The following MPDZ variants were observed in gnomAD, a reference collection of about 807,000 sequenced individuals.
The protein encoded by MPDZ is multiple PDZ domain protein.
In MPDZ, 234 loss-of-function variants were observed where a neutral mutation model predicts 239.1. The observed-to-expected ratio is 0.98, with a 90% CI of 0.88 to 1.09. The LOEUF (loss-of-function observed/expected upper bound fraction) is 1.09, where lower values mean the gene tolerates loss of function less well. Ranked by LOEUF, MPDZ falls within the 50% of genes least tolerant of loss-of-function variation. The pLI is 0.00. For missense variants in MPDZ, 3,175 were observed against 2,510.0 expected (o/e 1.26, Z -5.66); for synonymous variants, 1,048 against 881.3 (o/e 1.19, Z -3.35).
Position 13,115,348 on chromosome 9 carries a change from T to TGG in MPDZ, c.5380-16_5380-15dup. ...GCCTAGGGAACACTGGGGGTGGGCA[T>TGG]GGGGGGTGTTTTATGGAAATGTTTA... On this transcript the variant is annotated splice_polypyrimidine_tract_variant and intron_variant, in intron 39 of 46. Transcript: ENST00000319217. 1.3e-6 allele frequency: 2 copies of TGG among 1,595,844 alleles called. No individual in the cohort carries two copies. The highest frequency in any genetic ancestry group is 1.7e-6 in the Non-Finnish European group (2 of 1,164,696).
intron 34 of MPDZ, among the ~76,000 whole-genome samples, chr9:13,126,173 G>C (rs183070945): frequency 6.6e-6 from 1 of 152,248 alleles, no homozygotes; most frequent in Admixed American, 6.5e-5. Flanking sequence ...TTATAAAGTA[G>C]TATACACAAT....
chr9:13,183,198 A>G (rs992351796), intron 19 of MPDZ, among the ~76,000 whole-genome samples: 2 of 152,092 alleles, frequency 1.3e-5, no homozygotes, highest in Non-Finnish European at 2.9e-5. Flanking sequence ...CTCTGTATCT[A>G]TCATTCTCAG....
intron 1 of MPDZ, among the ~76,000 whole-genome samples, chr9:13,275,429 G>C (rs1374320493): frequency 6.6e-6 from 1 of 152,140 alleles, no homozygotes; most frequent in Non-Finnish European, 1.5e-5. Context: ...CCAACACTTT[G>C]ATTTTAGACT....
At position 13,192,116 on chromosome 9, in the gene MPDZ, A is replaced by T; in HGVS notation, c.1968+15T>A. ...TTATATATGTAGGTTAGCCTCATGT[A>T]TGCAAATCTGATACCTTTTCTGTTA... is the stretch of plus-strand genomic sequence containing the variant. On this transcript the variant is annotated intron_variant, in intron 15 of 46. Coordinates refer to ENST00000319217, the MANE Select transcript of MPDZ (RefSeq NM_001378778.1). The T allele has an allele frequency of 6.3e-7, 1 of 1,580,626 alleles. No homozygotes were observed. The highest frequency in any genetic ancestry group is 8.6e-7 in the Non-Finnish European group (1 of 1,162,280).
intron 8 of MPDZ, among the ~76,000 whole-genome samples, chr9:13,218,360 G>T (rs928632951): frequency 6.6e-6 from 1 of 151,810 alleles, no homozygotes; most frequent in African/African-American, 2.4e-5. Context: ...CTATCGAATG[G>T]TTTTAAAAGG....
chr9:13,187,207 G>C (rs553253669), intron 17 of MPDZ, among the ~76,000 whole-genome samples: 6 of 152,106 alleles, frequency 3.9e-5, no homozygotes, highest in Admixed American at 2.0e-4. Flanking sequence ...CTCACTTTGG[G>C]AAGTAGAGGT....
rs1055199938 is a variant in MPDZ, at chr9:13,112,060, G to C, written c.5688C>G (p.His1896Gln). 1 of 1,613,524 alleles carries C rather than the reference G, an allele frequency of 6.2e-7. No individual in the cohort carries two copies. Among genetic ancestry groups the C allele is most frequent in the Non-Finnish European group, 8.5e-7 (1 of 1,179,684 alleles). Reference protein sequence around the residue: ...GDVPIFIAMMHPTGVAAQTQK... With the variant: ...GDVPIFIAMMQPTGVAAQTQK... Reference sequence around the variant, plus strand: ...GGGTCTGTGCTGCAACTCCAGTTGGGTGCATCATTGCAATAAATATAGGCA... The same window carrying C: ...GGGTCTGTGCTGCAACTCCAGTTGGCTGCATCATTGCAATAAATATAGGCA... The change falls in exon 43 of 47, where the codon CAC (histidine) becomes CAG (glutamine). Residue 1896 changes from histidine (H) to glutamine (Q), a missense_variant. Transcript: ENST00000319217.
intron 25 of MPDZ, 61 bp downstream of exon 25, chr9:13,150,450 A>C (rs1949010929): frequency 3.8e-6 from 5 of 1,312,722 alleles, no homozygotes; most frequent in Non-Finnish European, 4.0e-6. Flanking sequence ...AGTAAAATTA[A>C]AAAATAAATA....
chr9:13,158,118 A>C lies in MPDZ; in HGVS notation c.3360-8T>G. On this transcript the variant is annotated splice_polypyrimidine_tract_variant and splice_region_variant and intron_variant, in intron 23 of 46. Coordinates refer to ENST00000319217, the MANE Select transcript of MPDZ (RefSeq NM_001378778.1). ...GGTAATTCTGGAATGTCTCTGGTTAAAGAATTACACAATGAGTACCCCAAA... is the reference window on the plus strand; with the variant it reads ...GGTAATTCTGGAATGTCTCTGGTTACAGAATTACACAATGAGTACCCCAAA... The C allele has an allele frequency of 6.2e-7, 1 of 1,609,876 alleles. No individual in the cohort carries two copies.
At chr9:13,247,040 C>T (rs933373868) in intron 3 of MPDZ, among the ~76,000 whole-genome samples, 1 of 152,194 alleles carries the variant, frequency 6.6e-6, no homozygotes, top group East Asian at 1.9e-4. Flanking sequence ...ATAATTTTTA[C>T]AGAACAAAAA....
rs1302358894 is a variant in MPDZ at position 13,183,580 on chromosome 9, G to A, written c.2487C>T (p.Gly829=). 1 of 1,611,670 alleles carries A rather than the reference G, an allele frequency of 6.2e-7. No individual in the cohort carries two copies. The highest frequency in any genetic ancestry group is 1.7e-4 in the Middle Eastern group (1 of 6,044). ...CATCTACTAAGTCAGCATCATTTGT[G>A]CCCACCTAGAAACAAAACAATAATA... is the stretch of plus-strand genomic sequence containing the variant. ...PLFRADLALV[G]TNDADLVDES... Residue 829 remains glycine, a synonymous_variant, in exon 19 of 47, where the codon GGC becomes GGT. Transcript: ENST00000319217.
At chr9:13,190,328 A>T in intron 15 of MPDZ, 29 bp from the exon 16 acceptor site, 1 of 1,480,442 alleles carries the variant, frequency 6.8e-7, no homozygotes, top group Non-Finnish European at 9.0e-7. Flanking sequence ...CTCTTATTTC[A>T]GAGGCATTGC....
At chr9:13,242,868 T>G (rs1965754272) in intron 3 of MPDZ, among the ~76,000 whole-genome samples, 1 of 152,230 alleles carries the variant, frequency 6.6e-6, no homozygotes, top group South Asian at 2.1e-4. Flanking sequence ...ACAGCATCAC[T>G]GAACTCTACC....
intron 1 of MPDZ, among the ~76,000 whole-genome samples, chr9:13,261,310 A>G (rs1039827924): frequency 2.0e-4 from 30 of 152,320 alleles, no homozygotes; most frequent in African/African-American, 6.3e-4. Flanking sequence ...ACTGGTCCCT[A>G]CAGATGCACA....
intron 1 of MPDZ, 149 bp downstream of exon 1, chr9:13,279,251 A>ACCCCCCCCCCCACCCCCC (rs1975036099): frequency 2.9e-5 from 1 of 34,992 alleles, no homozygotes; most frequent in Non-Finnish European, 5.5e-5. Context: ...CGCCACCCCT[A>ACCCCCCCCCCCACCCCCC]CCCCCACCCC....
At chr9:13,247,580 T>C in intron 3 of MPDZ, 55 bp downstream of exon 3, 1 of 1,543,020 alleles carries the variant, frequency 6.5e-7, no homozygotes, top group Non-Finnish European at 8.8e-7. Context: ...AACACAAGCC[T>C]TTCACAAGAT....
chr9:13,172,676 C>T (rs919978816), intron 21 of MPDZ, among the ~76,000 whole-genome samples: 2 of 152,238 alleles, frequency 1.3e-5, no homozygotes, highest in Admixed American at 6.5e-5. Context: ...CGTGAGCCAC[C>T]GCGCCCGGCC....
Position 13,108,980 on chromosome 9 carries a change from G to T in MPDZ, c.6022C>A (p.Pro2008Thr). ...ACATAAATGGGTAAGTCTCCATGAGGGCTGCCATATCCTCCAACTATACTG... is the reference window on the plus strand; with the variant it reads ...ACATAAATGGGTAAGTCTCCATGAGTGCTGCCATATCCTCCAACTATACTG... ...GFSIVGGYGS[P>T]HGDLPIYVKT... The change falls in exon 46 of 47, where the codon CCT becomes ACT. Residue 2008 changes from proline to threonine, a missense_variant. By Grantham distance (38) the Pro-to-Thr change is conservative (BLOSUM62 -1). Coordinates refer to ENST00000319217, the MANE Select transcript of MPDZ (RefSeq NM_001378778.1). 6.2e-7 allele frequency: 1 copy of T among 1,607,896 alleles called. No homozygotes were observed. The highest frequency in any genetic ancestry group is 8.5e-7 in the Non-Finnish European group (1 of 1,176,978).
chr9:13,243,691 C>G (rs1965944470), intron 3 of MPDZ, among the ~76,000 whole-genome samples: 1 of 152,166 alleles, frequency 6.6e-6, no homozygotes, highest in African/African-American at 2.4e-5. Flanking sequence ...CATGTTAACA[C>G]AGCATCTCTA....
Sources: allele counts gnomAD v4.1 joint callset (sites outside exome capture counted in the v4.1 genomes callset), GRCh38; gene constraint gnomAD v4.1.1; transcripts MANE v1.5; gene names NCBI Gene and HGNC (gene_info 2026-07-23, HGNC 2026-07-21).